The following POC1B variants were observed in gnomAD, a reference collection of about 807,000 sequenced individuals.
The protein encoded by POC1B is POC1 centriolar protein homolog B.
POC1B carries 44 observed loss-of-function variants against 60.6 expected under a neutral mutation model. The ratio of observed to expected loss-of-function variants is 0.73; its 90% CI spans 0.57 to 0.93. The LOEUF is 0.93. Ranked by LOEUF, POC1B falls within the 40% of genes least tolerant of loss-of-function variation. The pLI, the probability that POC1B is intolerant of heterozygous loss-of-function variation, is 0.00. For synonymous variants in POC1B, 180 were observed against 198.9 expected, an observed-to-expected ratio of 0.90 and a Z score of 0.80; for missense variants, 555 against 572.3, an observed-to-expected ratio of 0.97 and a Z score of 0.31.
chr12:89,465,521 CAAGTT>C, intron 9 of POC1B, among the ~76,000 whole-genome samples: 1 of 151,990 alleles, frequency 6.6e-6, no homozygotes, highest in East Asian at 1.9e-4. Context: ...AAAAAATACT[CAAGTT>C]AAATTAAAAT....
At chr12:89,447,803 G>A (rs1337521169) in intron 10 of POC1B, among the ~76,000 whole-genome samples, 1 of 152,036 alleles carries the variant, frequency 6.6e-6, no homozygotes, top group Non-Finnish European at 1.5e-5. Flanking sequence ...TCAAGCAGAA[G>A]TGTCCAAGTA....
At chr12:89,510,817 G>A (rs887753913) in intron 2 of POC1B, among the ~76,000 whole-genome samples, 3 of 142,232 alleles carry the variant, frequency 2.1e-5, no homozygotes, top group Admixed American at 1.5e-4. Flanking sequence ...GAATACAGTG[G>A]CACAATCTCA....
At chr12:89,439,259 A>C (rs1296524784) in intron 10 of POC1B, among the ~76,000 whole-genome samples, 1 of 152,182 alleles carries the variant, frequency 6.6e-6, no homozygotes, top group African/African-American at 2.4e-5. Flanking sequence ...CTTGGCTCAC[A>C]TAACACCTTG....
intron 10 of POC1B, among the ~76,000 whole-genome samples, chr12:89,435,188 T>G (rs1410884632): frequency 6.6e-6 from 1 of 150,686 alleles, no homozygotes; most frequent in Non-Finnish European, 1.5e-5. Context: ...TCTTTTTTTT[T>G]TTTTTTTTTT....
chr12:89,502,065 A>G lies in POC1B; in HGVS notation c.101-4723T>C. On this transcript the variant is annotated intron_variant, in intron 2 of 11. Coordinates refer to ENST00000313546, the MANE Select transcript of POC1B (RefSeq NM_172240.3). ...TTATGACTGCACAGAATGTTCCCCT[A>G]AAGCCTCAGACCAGTGGATATACAT... 3.0e-6 allele frequency: 3 copies of G among 1,007,282 alleles called. No homozygotes were observed. The Admixed American group carries it at 5.1e-5, about 17-fold the overall frequency. The allele number at this position is 1,007,282 out of a possible 1,614,324, so 62.4% of individuals were successfully genotyped here.
chr12:89,450,390 T>C (rs960814086), intron 10 of POC1B, among the ~76,000 whole-genome samples: 1 of 152,180 alleles, frequency 6.6e-6, no homozygotes, highest in Non-Finnish European at 1.5e-5. Flanking sequence ...ATATTTTTAG[T>C]AGAGACAGGG....
chr12:89,455,961 A>C (rs187978001), intron 10 of POC1B, among the ~76,000 whole-genome samples: 3 of 152,224 alleles, frequency 2.0e-5, no homozygotes, highest in Admixed American at 6.5e-5. Context: ...ATAACCCTAG[A>C]GTCTTTTAAG....
chr12:89,509,077 A>G (rs1295702198), intron 2 of POC1B, among the ~76,000 whole-genome samples: 1 of 152,180 alleles, frequency 6.6e-6, no homozygotes, highest in Non-Finnish European at 1.5e-5. Flanking sequence ...TTTCTAACCC[A>G]TCATTCTATG....
Position 89,464,065 on chromosome 12 carries a change from G to C in POC1B, c.1032+2705C>G, listed in dbSNP as rs536241985. Among the ~76,000 whole-genome samples, 28 of 152,234 alleles carry C rather than the reference G, an allele frequency of 1.8e-4. 1 individual carries two copies. Among genetic ancestry groups the C allele is most frequent in the African/African-American group, 6.5e-4 (27 of 41,542 alleles). ...AAAACACTCATGGTCACTGCAAACA[G>C]AGAAAGAAAAATTCATCAGTTCACT... On this transcript the variant is annotated intron_variant, in intron 9 of 11. Coordinates refer to ENST00000313546, the MANE Select transcript of POC1B (RefSeq NM_172240.3).
At position 89,524,212 on chromosome 12, in the gene POC1B, T is replaced by A. The variant is rs111836381; in HGVS notation, c.100+908A>T. ...CATTCTTTTATCCTCTATGTGTCGA[T>A]GCAGGGAAATCCTGTCACTGAGGTA... On this transcript the variant is annotated intron_variant, in intron 2 of 11. Coordinates refer to ENST00000313546, the MANE Select transcript of POC1B (RefSeq NM_172240.3). The A allele has an allele frequency of 9.9e-6, 16 of 1,613,918 alleles. No homozygotes were observed. In the African/African-American group the frequency reaches 1.6e-4, roughly 16 times the overall value.
intron 2 of POC1B, chr12:89,522,370 A>C (rs1393552212): frequency 2.6e-6 from 1 of 391,542 alleles, no homozygotes; most frequent in Non-Finnish European, 4.5e-6. Context: ...AAAAAGAAAT[A>C]CAAATTCTAT....
At chr12:89,432,374 T>A (rs1881070422) in intron 10 of POC1B, among the ~76,000 whole-genome samples, 2 of 100,488 alleles carry the variant, frequency 2.0e-5, no homozygotes, top group South Asian at 7.2e-4. Context: ...GCAACGAGAC[T>A]CTGTTTCTTA....
intron 3 of POC1B, among the ~76,000 whole-genome samples, chr12:89,495,563 C>T (rs1425311734): frequency 2.0e-5 from 3 of 152,138 alleles, no homozygotes; most frequent in Non-Finnish European, 4.4e-5. Context: ...GACTACAAGT[C>T]AAATCCTGCC....
chr12:89,469,960 T>A (rs1882825924), intron 7 of POC1B, among the ~76,000 whole-genome samples: 1 of 152,094 alleles, frequency 6.6e-6, no homozygotes. Flanking sequence ...CTCCCCCTCC[T>A]GGGTTCAAGT....
rs1869005530 is a variant in POC1B, at chr12:89,491,986, C to T, written c.402G>A (p.Gln134=). 2 of 1,598,612 alleles carry T rather than the reference C, an allele frequency of 1.3e-6. No individual in the cohort carries two copies. The highest frequency in any genetic ancestry group is 1.3e-5 in the African/African-American group (1 of 74,244). The change falls in exon 4 of 12, where the codon CAG becomes CAA. Residue 134 remains glutamine, a synonymous_variant. Coordinates refer to ENST00000313546, the MANE Select transcript of POC1B (RefSeq NM_172240.3). ...GTCGATACAAGGAATACAGGAAGCG[C>T]TGGCGATACATGCTCCATACTTTTA... ...KSIKVWSMYR[Q]RFLYSLYRHT... is the part of the protein sequence containing the mutation.
In POC1B at chr12:89,525,106, A is replaced by G; in HGVS notation, c.100+14T>C. The G allele has an allele frequency of 6.2e-7, 1 of 1,614,012 alleles. No individual in the cohort carries two copies. The highest frequency in any genetic ancestry group is 2.2e-5 in the East Asian group (1 of 44,868). ...TTAGTCTCATTACAAAAGCAAAACAAGAATAAGACTTACCAAGTTGCTTGC... is the reference window on the plus strand; with the variant it reads ...TTAGTCTCATTACAAAAGCAAAACAGGAATAAGACTTACCAAGTTGCTTGC... On this transcript the variant is annotated intron_variant, in intron 2 of 11. Coordinates refer to ENST00000313546, the MANE Select transcript of POC1B (RefSeq NM_172240.3).
At chr12:89,524,553 G>A in intron 2 of POC1B, 2 of 1,611,032 alleles carry the variant, frequency 1.2e-6, no homozygotes, top group Non-Finnish European at 1.7e-6. Context: ...CCGCCATCCG[G>A]ATTCTCAGGG....
intron 7 of POC1B, among the ~76,000 whole-genome samples, chr12:89,469,811 T>C (rs566936722): frequency 6.6e-6 from 1 of 152,314 alleles, no homozygotes; most frequent in Non-Finnish European, 1.5e-5. Flanking sequence ...ATTCATTTAA[T>C]GGCCATTGAA....
chr12:89,502,218 T>C, intron 2 of POC1B: 1 of 1,179,128 alleles, frequency 8.5e-7, no homozygotes, highest in Non-Finnish European at 1.3e-6. Context: ...ATGTGGATGA[T>C]GAGGAAGTTC....
Sources: gnomAD v4.1 joint callset for allele counts (sites outside exome capture counted in the v4.1 genomes callset) on GRCh38, gnomAD v4.1.1 for gene constraint, MANE v1.5 for transcripts, NCBI Gene and HGNC (gene_info 2026-07-23, HGNC 2026-07-21) for gene names.